HIVEP3: variants seen among roughly 807,000 people sequenced by gnomAD.
The protein encoded by HIVEP3 is HIVEP zinc finger 3.
Under a neutral mutation model 152.8 loss-of-function variants are expected in HIVEP3, and 49 were observed. The ratio of observed to expected loss-of-function variants is 0.32; its 90% CI spans 0.26 to 0.41. The LOEUF is 0.41. Ranked by LOEUF, HIVEP3 falls within the 10% of genes least tolerant of loss-of-function variation. The pLI, the probability that HIVEP3 is intolerant of heterozygous loss-of-function variation, is 1.00. For synonymous variants in HIVEP3, 1,269 were observed against 1,289.0 expected (o/e 0.98, Z 0.33); for missense variants, 2,790 against 3,103.3 (o/e 0.90, Z 2.40).
At chr1:41,778,334 G>A (rs1212907837) in intron 1 of HIVEP3, among the ~76,000 whole-genome samples, 2 of 152,210 alleles carry the variant, frequency 1.3e-5, no homozygotes, top group African/African-American at 2.4e-5. Flanking sequence ...GTGTCCCAGT[G>A]TAGTTCAGGT....
At chr1:41,538,640 A>T (rs954816783) in intron 5 of HIVEP3, among the ~76,000 whole-genome samples, 2 of 152,148 alleles carry the variant, frequency 1.3e-5, no homozygotes, top group Non-Finnish European at 2.9e-5. Context: ...TGATAGGTGG[A>T]GGTCCTGTGG....
chr1:41,937,366 T>A (rs1645024896), intron 1 of HIVEP3, among the ~76,000 whole-genome samples: 1 of 152,306 alleles, frequency 6.6e-6, no homozygotes, highest in East Asian at 1.9e-4. Flanking sequence ...AGGACTCTTT[T>A]AGAGCCAGTG....
At chr1:41,929,643 T>C (rs1644985575) in intron 1 of HIVEP3, among the ~76,000 whole-genome samples, 1 of 151,382 alleles carries the variant, frequency 6.6e-6, no homozygotes, top group South Asian at 2.1e-4. Flanking sequence ...CTAGGAAACA[T>C]ATGTATGTAT....
intron 1 of HIVEP3, among the ~76,000 whole-genome samples, chr1:41,960,579 T>C (rs186333310): frequency 3.3e-5 from 5 of 152,260 alleles, no homozygotes; most frequent in Admixed American, 2.0e-4. Flanking sequence ...AAGCCAGACT[T>C]CTTCTAAAAC....
At chr1:41,554,072 G>T (rs1643928787) in intron 5 of HIVEP3, among the ~76,000 whole-genome samples, 1 of 152,160 alleles carries the variant, frequency 6.6e-6, no homozygotes, top group African/African-American at 2.4e-5. Context: ...AGTTCTCCTG[G>T]ATAATATCCT....
chr1:41,610,099 C>G (rs1644877231), intron 3 of HIVEP3, among the ~76,000 whole-genome samples: 1 of 152,210 alleles, frequency 6.6e-6, no homozygotes, highest in Admixed American at 6.5e-5. Context: ...CTGGCCCATC[C>G]TGCAGATTTT....
intron 1 of HIVEP3, among the ~76,000 whole-genome samples, chr1:41,988,082 TC>T (rs1467673675): frequency 6.6e-6 from 1 of 152,016 alleles, no homozygotes; most frequent in Non-Finnish European, 1.5e-5. Context: ...TATATAAAAA[TC>T]AAGTCAAAAT....
chr1:41,965,035 CTT>C (rs922254892), intron 1 of HIVEP3, among the ~76,000 whole-genome samples: 6 of 152,204 alleles, frequency 3.9e-5, no homozygotes, highest in African/African-American at 1.4e-4. Context: ...GTTGGTGCCT[CTT>C]TGGGATGGAG....
At chr1:41,744,833 G>T (rs780421385) in intron 1 of HIVEP3, among the ~76,000 whole-genome samples, 15 of 152,100 alleles carry the variant, frequency 9.9e-5, no homozygotes, top group Non-Finnish European at 2.2e-4. Flanking sequence ...CCTGCCAGGT[G>T]CTTCCAAGTG....
intron 1 of HIVEP3, among the ~76,000 whole-genome samples, chr1:41,840,500 T>C (rs189576081): frequency 1.3e-5 from 2 of 152,344 alleles, no homozygotes; most frequent in East Asian, 3.9e-4. Context: ...ATGGCCCTGC[T>C]GACACCTTGA....
chr1:41,583,782 G>A lies in HIVEP3; in HGVS notation c.1016C>T (p.Pro339Leu), dbSNP rs1423688784. ...CTCAGATGAGGGTTCCACAAATGGAGGGGGGTCTTCGAGTGACTGGGCTGT... is the reference window on the plus strand; with the variant it reads ...CTCAGATGAGGGTTCCACAAATGGAAGGGGGTCTTCGAGTGACTGGGCTGT... ...SSTAQSLEDP[P>L]PFVEPSSEHP... Residue 339 changes from proline to leucine, a missense_variant, in exon 4 of 9, where the codon CCT (proline) becomes CTT (leucine). By Grantham distance (98) the Pro-to-Leu change is moderately conservative (BLOSUM62 -3). Coordinates refer to ENST00000372583, the MANE Select transcript of HIVEP3 (RefSeq NM_024503.5). The surrounding 1 kb of genome is among the most constrained non-coding windows in gnomAD (Gnocchi z 6.9). 6.3e-7 allele frequency: 1 copy of A among 1,591,180 alleles called. No homozygotes were observed. Among genetic ancestry groups the A allele is most frequent in the Non-Finnish European group, 8.6e-7 (1 of 1,168,282 alleles).
intron 2 of HIVEP3, among the ~76,000 whole-genome samples, chr1:41,633,409 C>T (rs773977393): frequency 6.6e-6 from 1 of 152,078 alleles, no homozygotes; most frequent in Non-Finnish European, 1.5e-5. Context: ...CATGGCAGGG[C>T]GGGCTGGAGT....
intron 1 of HIVEP3, among the ~76,000 whole-genome samples, chr1:41,841,711 A>T (rs12067332): frequency 2.0e-5 from 3 of 152,078 alleles, no homozygotes; most frequent in African/African-American, 7.2e-5. Flanking sequence ...CTCACGCGTA[A>T]GTGATGGCTC....
chr1:41,524,629 C>T, intron 6 of HIVEP3, 106 bp downstream of exon 6: 6 of 1,067,320 alleles, frequency 5.6e-6, no homozygotes, highest in Non-Finnish European at 8.6e-6. Context: ...GGGGCTGCTC[C>T]AGGCCCCCTG....
Position 41,650,717 on chromosome 1 carries a change from T to G in HIVEP3, c.-720-21770A>C, listed in dbSNP as rs143542377. Among the ~76,000 whole-genome samples, 56 of 152,312 alleles carry G rather than the reference T, an allele frequency of 3.7e-4. 1 individual carries two copies. The East Asian group carries it at 0.01, about 27-fold the overall frequency. The stretch of plus-strand genomic sequence containing the variant: ...CTCTGAGCGCAGAAACATTTCTACA[T>G]GTGCATACACAGACTTAACTGTTTA... On this transcript the variant is annotated intron_variant, in intron 2 of 8. Coordinates refer to ENST00000372583, the MANE Select transcript of HIVEP3 (RefSeq NM_024503.5).
intron 1 of HIVEP3, among the ~76,000 whole-genome samples, chr1:41,776,700 A>G (rs996479198): frequency 6.6e-6 from 1 of 152,220 alleles, no homozygotes; most frequent in Non-Finnish European, 1.5e-5. Flanking sequence ...TTCAGCAAAG[A>G]AGGTGTTTCC....
chr1:41,524,710 A>G (rs773395385), intron 6 of HIVEP3, 25 bp downstream of exon 6: 2 of 1,609,110 alleles, frequency 1.2e-6, no homozygotes, highest in Non-Finnish European at 1.7e-6. Context: ...GGGCAGGGGC[A>G]GTGCCCCAGC....
chr1:41,849,519 G>A (rs934279832), intron 1 of HIVEP3, among the ~76,000 whole-genome samples: 2 of 152,154 alleles, frequency 1.3e-5, no homozygotes, highest in Non-Finnish European at 2.9e-5. Context: ...CCAAGGAGGA[G>A]AGTGTGGGTC....
chr1:41,990,065 G>C (rs1645350747), intron 1 of HIVEP3, among the ~76,000 whole-genome samples: 1 of 84,308 alleles, frequency 1.2e-5, no homozygotes, highest in South Asian at 4.7e-4. Flanking sequence ...GGTACCGGTT[G>C]TTCCTTTCCA....
Sources: gnomAD v4.1 joint callset for allele counts (sites outside exome capture counted in the v4.1 genomes callset) on GRCh38, gnomAD v4.1.1 for gene constraint, Gnocchi (gnomAD v3.1) non-coding constraint, MANE v1.5 for transcripts, NCBI Gene and HGNC (gene_info 2026-07-23, HGNC 2026-07-21) for gene names.